The following LSAMP variants were observed in gnomAD, a reference collection of about 807,000 sequenced individuals.
LSAMP encodes limbic system associated membrane protein.
Under a neutral mutation model 38.6 loss-of-function variants are expected in LSAMP, and 7 were observed. The ratio of observed to expected loss-of-function variants is 0.18; its 90% CI spans 0.10 to 0.34. The LOEUF is 0.34. Ranked by LOEUF, LSAMP falls within the 10% of genes least tolerant of loss-of-function variation. LSAMP has a pLI of 1.00. For synonymous variants in LSAMP, 154 were observed against 166.8 expected (o/e 0.92, Z 0.59); for missense variants, 313 against 420.0 (o/e 0.75, Z 2.23).
chr3:116,018,519 T>C (rs927802046), intron 3 of LSAMP, among the ~76,000 whole-genome samples: 1 of 152,196 alleles, frequency 6.6e-6, no homozygotes, highest in African/African-American at 2.4e-5. Context: ...GACTATAAGA[T>C]ATAAATTAGT....
At chr3:116,261,650 C>A (rs1559803419) in intron 1 of LSAMP, among the ~76,000 whole-genome samples, 1 of 152,074 alleles carries the variant, frequency 6.6e-6, no homozygotes, top group South Asian at 2.1e-4. Context: ...CAGTGTCCTG[C>A]ATCCCATCTT....
Position 115,971,354 on chromosome 3 carries a change from A to G in LSAMP, c.514+48161T>C, listed in dbSNP as rs563049459. On this transcript the variant is annotated intron_variant, in intron 3 of 6. Coordinates refer to ENST00000490035, the MANE Select transcript of LSAMP (RefSeq NM_002338.5). ...ATTTATGACTATACTGGCAAGTAAAACTTTTGTTAGAACTTCATGATAAAG... is the reference window on the plus strand; with the variant it reads ...ATTTATGACTATACTGGCAAGTAAAGCTTTTGTTAGAACTTCATGATAAAG... 9.2e-5 allele frequency among the ~76,000 whole-genome samples: 14 copies of G among 152,308 alleles called. No homozygotes were observed. The South Asian group carries it at 1.2e-3, about 14-fold the overall frequency.
chr3:116,329,281 TC>T (rs2047817895), intron 1 of LSAMP, among the ~76,000 whole-genome samples: 1 of 152,062 alleles, frequency 6.6e-6, no homozygotes, highest in Non-Finnish European at 1.5e-5. Flanking sequence ...AAGCAGAGAG[TC>T]ACCCAAGGCA....
chr3:116,419,089 C>A (rs1047016387), intron 1 of LSAMP, among the ~76,000 whole-genome samples: 1 of 152,214 alleles, frequency 6.6e-6, no homozygotes, highest in African/African-American at 2.4e-5. Context: ...TACCCTGTGT[C>A]TCCTATTCTG....
At position 115,841,687 on chromosome 3, in the gene LSAMP, T is replaced by C. The variant is rs566775801; in HGVS notation, c.919+158A>G. 6.8e-4 allele frequency: 425 copies of C among 624,530 alleles called. 6 individuals are homozygous for C. The South Asian group carries it at 0.012, about 18-fold the overall frequency. The allele number at this position is 624,530 out of a possible 1,614,324, so 38.7% of individuals were successfully genotyped here. A position where few individuals can be genotyped will look rare whatever the true frequency, so the allele number is the denominator to read the frequency against. Reference sequence around the variant, plus strand: ...AGTTGTTCCATTTATAAATCTCTGCTATGCACAGGAGTTGAGAACCCTGTA... The same window carrying C: ...AGTTGTTCCATTTATAAATCTCTGCCATGCACAGGAGTTGAGAACCCTGTA... On this transcript the variant is annotated intron_variant, in intron 6 of 6. Transcript: ENST00000490035.
chr3:116,226,482 C>T (rs4831123), intron 1 of LSAMP, among the ~76,000 whole-genome samples: 10,263 of 152,248 alleles, frequency 0.067, 448 homozygotes, highest in Non-Finnish European at 0.087. Flanking sequence ...AGAAGCTGTT[C>T]TCTGTCAGCG....
intron 1 of LSAMP, among the ~76,000 whole-genome samples, chr3:116,297,846 T>A (rs1446841598): frequency 5.3e-5 from 8 of 152,164 alleles, no homozygotes; most frequent in Admixed American, 4.6e-4. Flanking sequence ...AAAAACACAG[T>A]ATTTTAGTTT....
chr3:115,819,117 T>C (rs1934142464), intron 6 of LSAMP, among the ~76,000 whole-genome samples: 1 of 149,854 alleles, frequency 6.7e-6, no homozygotes, highest in Admixed American at 6.7e-5. Flanking sequence ...GCCCTTGCAC[T>C]CCAGCCTGGG....
intron 1 of LSAMP, among the ~76,000 whole-genome samples, chr3:116,303,524 A>C (rs1254091684): frequency 6.6e-6 from 1 of 152,204 alleles, no homozygotes; most frequent in Non-Finnish European, 1.5e-5. Context: ...AAAACAAATA[A>C]AGCTAGAGAA....
At chr3:116,070,287 C>G (rs1218628084) in intron 2 of LSAMP, among the ~76,000 whole-genome samples, 1 of 152,110 alleles carries the variant, frequency 6.6e-6, no homozygotes, top group Non-Finnish European at 1.5e-5. Context: ...TGAAAGCTTA[C>G]TCAACTGAGA....
intron 3 of LSAMP, among the ~76,000 whole-genome samples, chr3:116,007,379 C>A (rs1430127204): frequency 6.6e-6 from 1 of 151,996 alleles, no homozygotes; most frequent in Non-Finnish European, 1.5e-5. Context: ...GCAGAAAGAC[C>A]CCATTTGAAT....
intron 1 of LSAMP, among the ~76,000 whole-genome samples, chr3:116,109,378 C>T (rs1708545385): frequency 1.3e-5 from 2 of 151,918 alleles, no homozygotes; most frequent in African/African-American, 4.8e-5. Flanking sequence ...GGGGAGAGGT[C>T]AGATAGGTCT....
chr3:115,997,874 A>G (rs1939870180), intron 3 of LSAMP, among the ~76,000 whole-genome samples: 1 of 145,706 alleles, frequency 6.9e-6, no homozygotes, highest in South Asian at 2.1e-4. Context: ...AGAATATACA[A>G]TATACATTAT....
intron 3 of LSAMP, among the ~76,000 whole-genome samples, chr3:115,974,718 C>T (rs903199309): frequency 6.6e-6 from 1 of 152,168 alleles, no homozygotes; most frequent in East Asian, 1.9e-4. Flanking sequence ...TGACTAATCT[C>T]ATCTTGTCTT....
At chr3:116,125,235 T>C (rs1708980921) in intron 1 of LSAMP, among the ~76,000 whole-genome samples, 1 of 152,166 alleles carries the variant, frequency 6.6e-6, no homozygotes, top group African/African-American at 2.4e-5. Context: ...AAGAACAAAA[T>C]AAGACTTCAT....
At chr3:116,010,542 C>A (rs931795478) in intron 3 of LSAMP, among the ~76,000 whole-genome samples, 1 of 152,096 alleles carries the variant, frequency 6.6e-6, no homozygotes, top group East Asian at 1.9e-4. Context: ...AGGAAAAGAA[C>A]AATTGCTGAT....
intron 3 of LSAMP, among the ~76,000 whole-genome samples, chr3:115,854,385 C>G (rs1340739559): frequency 6.7e-6 from 1 of 149,534 alleles, no homozygotes; most frequent in Non-Finnish European, 1.5e-5. Context: ...CAGGTTCACG[C>G]CATTCTCCTG....
At chr3:116,376,301 A>T (rs1406267991) in intron 1 of LSAMP, among the ~76,000 whole-genome samples, 1 of 152,042 alleles carries the variant, frequency 6.6e-6, no homozygotes, top group Non-Finnish European at 1.5e-5. Context: ...AAATACAAAA[A>T]CTTTGTGTCT....
chr3:115,834,436 GA>G (rs1219332042), intron 6 of LSAMP: 7 of 748,302 alleles, frequency 9.4e-6, no homozygotes, highest in East Asian at 6.6e-5. Context: ...AGGTTTAAGG[GA>G]AAAAAATGAT....
Sources: allele counts gnomAD v4.1 joint callset (sites outside exome capture counted in the v4.1 genomes callset), GRCh38; gene constraint gnomAD v4.1.1; transcripts MANE v1.5; gene names NCBI Gene and HGNC (gene_info 2026-07-23, HGNC 2026-07-21).